The following KCNMB2 variants were observed in gnomAD, a reference collection of about 807,000 sequenced individuals.
The protein encoded by KCNMB2 is calcium-activated potassium channel subunit beta-2.
Under a neutral mutation model 24.5 loss-of-function variants are expected in KCNMB2, and 9 were observed. The observed-to-expected ratio is 0.37, with a 90% CI of 0.22 to 0.64. KCNMB2 has a LOEUF of 0.64. Among genes scored for constraint, KCNMB2 ranks in the 30% least tolerant of loss-of-function variants. KCNMB2 has a pLI of 0.63. For missense variants in KCNMB2, 226 were observed against 284.3 expected (o/e 0.79, Z 1.47); for synonymous variants, 109 against 104.4 (o/e 1.04, Z -0.27).
intron 3 of KCNMB2, among the ~76,000 whole-genome samples, chr3:178,827,377 T>C (rs536200200): frequency 2.6e-5 from 4 of 152,242 alleles, no homozygotes; most frequent in Admixed American, 1.3e-4. Flanking sequence ...CAAAACACAA[T>C]AGAATGAGCC....
chr3:178,717,486 C>A lies in KCNMB2; in HGVS notation c.-67-89857C>A, dbSNP rs917714017. ...CCTAATGCAACCTCAGTATAGGATG[C>A]TGCCCAAGGGCCAGTCTGCCAGGTC... On this transcript the variant is annotated intron_variant, in intron 1 of 4. Coordinates refer to ENST00000452583, the MANE Select transcript of KCNMB2 (RefSeq NM_181361.3). 3.9e-5 allele frequency among the ~76,000 whole-genome samples: 6 copies of A among 152,118 alleles called. No individual in the cohort carries two copies. The East Asian group carries it at 7.7e-4, about 20-fold the overall frequency.
At chr3:178,742,691 A>G (rs1331196541) in intron 1 of KCNMB2, among the ~76,000 whole-genome samples, 1 of 152,172 alleles carries the variant, frequency 6.6e-6, no homozygotes, top group Non-Finnish European at 1.5e-5. Context: ...TGTCAAAAAA[A>G]TTCCCAAAGT....
At chr3:178,724,409 T>C (rs910610063) in intron 1 of KCNMB2, among the ~76,000 whole-genome samples, 1 of 152,174 alleles carries the variant, frequency 6.6e-6, no homozygotes, top group African/African-American at 2.4e-5. Context: ...ATCAGTCCTT[T>C]GTCAGATGCA....
intron 1 of KCNMB2, among the ~76,000 whole-genome samples, chr3:178,667,877 T>C (rs2108578860): frequency 6.6e-6 from 1 of 152,256 alleles, no homozygotes; most frequent in East Asian, 1.9e-4. Context: ...GGTTTCTGGT[T>C]GGCCAAGGCT....
intron 1 of KCNMB2, among the ~76,000 whole-genome samples, chr3:178,769,101 C>T (rs1048152809): frequency 6.6e-6 from 1 of 152,222 alleles, no homozygotes; most frequent in Non-Finnish European, 1.5e-5. Context: ...GTGCAAGACA[C>T]TTTGAGTTTT....
At chr3:178,782,536 G>A (rs1282013965) in intron 1 of KCNMB2, among the ~76,000 whole-genome samples, 8 of 148,634 alleles carry the variant, frequency 5.4e-5, no homozygotes, top group African/African-American at 2.0e-4. Flanking sequence ...TTTCTCTGAT[G>A]GCCAGTGATG....
intron 1 of KCNMB2, among the ~76,000 whole-genome samples, chr3:178,760,612 A>G (rs1711817662): frequency 1.3e-5 from 2 of 150,594 alleles, no homozygotes; most frequent in South Asian, 2.1e-4. Flanking sequence ...CTTTGTACCT[A>G]TCAATCTTAG....
chr3:178,680,204 T>G (rs1362270178), intron 1 of KCNMB2, among the ~76,000 whole-genome samples: 2 of 152,152 alleles, frequency 1.3e-5, no homozygotes, highest in Non-Finnish European at 2.9e-5. Flanking sequence ...CTGCAAAGCC[T>G]GTGGGAGAGA....
intron 2 of KCNMB2, among the ~76,000 whole-genome samples, chr3:178,808,256 TATTTA>T (rs1714056603): frequency 1.3e-5 from 2 of 152,210 alleles, no homozygotes; most frequent in South Asian, 4.1e-4. Context: ...CATTTTTAAA[TATTTA>T]GTCTTCCTCT....
At chr3:178,567,721 G>C (rs1716578390) in intron 1 of KCNMB2, among the ~76,000 whole-genome samples, 1 of 152,166 alleles carries the variant, frequency 6.6e-6, no homozygotes, top group Admixed American at 6.5e-5. Flanking sequence ...TAGCCAGAGA[G>C]AGCATCACTT....
At chr3:178,538,877 G>T (rs780363833) in intron 1 of KCNMB2, among the ~76,000 whole-genome samples, 1 of 151,796 alleles carries the variant, frequency 6.6e-6, no homozygotes, top group Admixed American at 6.6e-5. Flanking sequence ...TGTTTACATT[G>T]GTAGATACCA....
intron 1 of KCNMB2, among the ~76,000 whole-genome samples, chr3:178,672,962 G>A (rs1720955148): frequency 6.6e-6 from 1 of 152,024 alleles, no homozygotes; most frequent in Non-Finnish European, 1.5e-5. Context: ...TGTATCTCCA[G>A]TTCATTTGCT....
chr3:178,566,418 G>A lies in KCNMB2; in HGVS notation c.-68+29707G>A, dbSNP rs1224912039. ...CTGGCCGTGTCACTCAAACACACACGCACACTTGCACATGTGCACACACAC... is the reference window on the plus strand; with the variant it reads ...CTGGCCGTGTCACTCAAACACACACACACACTTGCACATGTGCACACACAC... On this transcript the variant is annotated intron_variant, in intron 1 of 4. Transcript: ENST00000452583. 8.6e-5 allele frequency among the ~76,000 whole-genome samples: 13 copies of A among 151,816 alleles called. No homozygotes were observed. The South Asian group carries it at 1.0e-3, about 12-fold the overall frequency.
At chr3:178,601,466 G>A (rs538251823) in intron 1 of KCNMB2, among the ~76,000 whole-genome samples, 348 of 152,240 alleles carry the variant, frequency 2.3e-3, no homozygotes, top group African/African-American at 8.0e-3. Context: ...TTTTTCAGTT[G>A]TACGAAAATA....
intron 1 of KCNMB2, among the ~76,000 whole-genome samples, chr3:178,624,846 G>A (rs1000369961): frequency 6.6e-6 from 1 of 152,028 alleles, no homozygotes; most frequent in African/African-American, 2.4e-5. Flanking sequence ...CAGGGAAGGG[G>A]AGTTGGCAGG....
rs9809471 is a variant in KCNMB2, at chr3:178,660,097, T to A, written c.-68+123386T>A. On this transcript the variant is annotated intron_variant, in intron 1 of 4. Transcript: ENST00000452583. ...GCCTCATAGCCAAGCAAAAGGAGCATAAATTTTGAATCACACAGTCCTGTA... is the reference window on the plus strand; with the variant it reads ...GCCTCATAGCCAAGCAAAAGGAGCAAAAATTTTGAATCACACAGTCCTGTA... 6.4e-3 allele frequency among the ~76,000 whole-genome samples: 978 copies of A among 152,268 alleles called. 9 individuals are homozygous for A. The highest frequency in any genetic ancestry group is 0.022 in the African/African-American group (917 of 41,560).
intron 4 of KCNMB2, chr3:178,841,465 A>T (rs938615392): frequency 6.6e-6 from 1 of 152,152 alleles, no homozygotes; most frequent in Non-Finnish European, 1.5e-5. Context: ...AATTCTCTGT[A>T]TTAGCCTATT....
intron 1 of KCNMB2, among the ~76,000 whole-genome samples, chr3:178,660,239 T>C (rs1560153004): frequency 6.6e-6 from 1 of 152,186 alleles, no homozygotes; most frequent in Non-Finnish European, 1.5e-5. Context: ...CAGAGGATAT[T>C]AAATAAGAAA....
At chr3:178,736,337 T>C (rs6443574) in intron 1 of KCNMB2, among the ~76,000 whole-genome samples, 74,018 of 151,914 alleles carry the variant, frequency 0.49, 18,496 homozygotes, top group African/African-American at 0.61. Flanking sequence ...CCATGATGAA[T>C]GTTGGCTTTA....
Sources: allele counts gnomAD v4.1 joint callset (sites outside exome capture counted in the v4.1 genomes callset), GRCh38; gene constraint gnomAD v4.1.1; transcripts MANE v1.5; gene names NCBI Gene and HGNC (gene_info 2026-07-23, HGNC 2026-07-21).